KIF6: variants seen among roughly 807,000 people sequenced by gnomAD.
The protein encoded by KIF6 is kinesin family member 6.
In KIF6, 106 loss-of-function variants were observed where a neutral mutation model predicts 112.7. That is an observed-to-expected ratio of 0.94 (90% CI 0.80 to 1.11). The LOEUF is 1.11. Ranked by LOEUF, KIF6 falls within the 50% of genes least tolerant of loss-of-function variation. The probability of loss-of-function intolerance (pLI) is 0.00; values close to 1 mark genes in which losing one functional copy is unlikely to be tolerated. For missense variants in KIF6, 929 were observed against 964.0 expected, an observed-to-expected ratio of 0.96 and a Z score of 0.48; for synonymous variants, 339 against 339.9, an observed-to-expected ratio of 1.00 and a Z score of 0.03.
At chr6:39,337,048 TTTTCTTTCTTTC>T (rs140198007) in intron 22 of KIF6, among the ~76,000 whole-genome samples, 5 of 128,254 alleles carry the variant, frequency 3.9e-5, no homozygotes, top group South Asian at 2.8e-4. Flanking sequence ...CTTCCTTCCT[TTTTCTTTCTTTC>T]TTTCTTTCTC....
chr6:39,575,395 C>CGAGTAGCT (rs1419109416), intron 10 of KIF6, among the ~76,000 whole-genome samples: 1 of 152,010 alleles, frequency 6.6e-6, no homozygotes, highest in African/African-American at 2.4e-5. Flanking sequence ...CTCAGCCTCC[C>CGAGTAGCT]GAGTAGCTGG....
chr6:39,668,491 C>A (rs1199761423), intron 3 of KIF6, among the ~76,000 whole-genome samples: 3 of 144,108 alleles, frequency 2.1e-5, no homozygotes, highest in Non-Finnish European at 4.8e-5. Flanking sequence ...CTGAACATCT[C>A]CTCACAGAAT....
At chr6:39,653,236 C>T (rs1785578586) in intron 3 of KIF6, among the ~76,000 whole-genome samples, 1 of 152,084 alleles carries the variant, frequency 6.6e-6, no homozygotes. Context: ...TCATTAATTA[C>T]ATAGCACAAT....
chr6:39,348,893 T>C (rs1763996451), intron 19 of KIF6, among the ~76,000 whole-genome samples: 1 of 152,224 alleles, frequency 6.6e-6, no homozygotes, highest in South Asian at 2.1e-4. Flanking sequence ...CCTCGCTCTC[T>C]CACCCTGGCG....
At chr6:39,371,489 G>T (rs1393013844) in intron 16 of KIF6, among the ~76,000 whole-genome samples, 2 of 152,152 alleles carry the variant, frequency 1.3e-5, no homozygotes, top group Admixed American at 1.3e-4. Flanking sequence ...CTGGACACAT[G>T]GCTTGACTGA....
intron 13 of KIF6, among the ~76,000 whole-genome samples, chr6:39,518,166 G>A (rs1393122663): frequency 1.3e-5 from 2 of 152,188 alleles, no homozygotes; most frequent in African/African-American, 2.4e-5. Context: ...ATTTAATATA[G>A]TACAGACTAA....
intron 3 of KIF6, among the ~76,000 whole-genome samples, chr6:39,661,779 A>G (rs1302848898): frequency 3.3e-5 from 5 of 152,178 alleles, no homozygotes; most frequent in African/African-American, 1.2e-4. Context: ...ACACAGAACA[A>G]AAGGGTCACT....
At chr6:39,636,554 T>C (rs1021282314) in intron 4 of KIF6, among the ~76,000 whole-genome samples, 2 of 152,030 alleles carry the variant, frequency 1.3e-5, no homozygotes, top group Non-Finnish European at 1.5e-5. Context: ...TGTCAGAGAC[T>C]ATAAACACTA....
chr6:39,555,469 T>A (rs555461835), intron 10 of KIF6, among the ~76,000 whole-genome samples: 19 of 151,930 alleles, frequency 1.3e-4, no homozygotes, highest in African/African-American at 3.4e-4. Context: ...CTCAGCCCCG[T>A]GTACTTGTAG....
chr6:39,388,203 G>C (rs1157312923), intron 15 of KIF6, among the ~76,000 whole-genome samples: 1 of 152,100 alleles, frequency 6.6e-6, no homozygotes, highest in African/African-American at 2.4e-5. Context: ...ACCAGAGTAG[G>C]TGTGCTCAAC....
chr6:39,401,112 A>T (rs569380233), intron 15 of KIF6, among the ~76,000 whole-genome samples: 1 of 152,368 alleles, frequency 6.6e-6, no homozygotes, highest in East Asian at 1.9e-4. Context: ...AGAAGAGATA[A>T]GTATCTGAAT....
intron 13 of KIF6, among the ~76,000 whole-genome samples, chr6:39,518,646 AT>A (rs1777205618): frequency 6.6e-6 from 1 of 152,220 alleles, no homozygotes; most frequent in African/African-American, 2.4e-5. Flanking sequence ...TCATGTATAT[AT>A]TCAAAATCCA....
chr6:39,491,872 A>G (rs1016801425), intron 13 of KIF6, among the ~76,000 whole-genome samples: 1 of 152,132 alleles, frequency 6.6e-6, no homozygotes, highest in African/African-American at 2.4e-5. Flanking sequence ...AGCTAGGGAG[A>G]CTTCTGGAAA....
At chr6:39,679,626 T>G (rs1417844535) in intron 3 of KIF6, among the ~76,000 whole-genome samples, 1 of 148,458 alleles carries the variant, frequency 6.7e-6, no homozygotes, top group East Asian at 2.0e-4. Context: ...TTTTTTTTTT[T>G]TTTTTTTGAG....
At chr6:39,499,785 C>A (rs955480518) in intron 13 of KIF6, among the ~76,000 whole-genome samples, 11 of 152,198 alleles carry the variant, frequency 7.2e-5, no homozygotes, top group African/African-American at 2.7e-4. Context: ...CCCTCATATA[C>A]CTTCAAGGTA....
chr6:39,604,651 A>G (rs1782784109), intron 6 of KIF6, among the ~76,000 whole-genome samples: 1 of 152,170 alleles, frequency 6.6e-6, no homozygotes, highest in Non-Finnish European at 1.5e-5. Context: ...TTTGTAAAAG[A>G]GAAATAGACT....
Position 39,343,044 on chromosome 6 carries a change from GC to G in KIF6, c.2428+664del. Reference sequence around the variant, plus strand: ...ACAAAATGCAGGCCTGGGGTAAGGGGCCCTGGGGCTTGCCCTGTGGGTGTGT... The same window carrying G: ...ACAAAATGCAGGCCTGGGGTAAGGGGCCTGGGGCTTGCCCTGTGGGTGTGT... On this transcript the variant is annotated intron_variant, in intron 22 of 22. Transcript: ENST00000287152. The surrounding 1 kb of genome is among the most constrained non-coding windows in gnomAD (Gnocchi z 4.1). The G allele has an allele frequency of 1.0e-6, 1 of 985,442 alleles. No individual in the cohort carries two copies. The highest frequency in any genetic ancestry group is 1.2e-6 in the Non-Finnish European group (1 of 829,940). The allele number at this position is 985,442 out of a possible 1,614,324, so 61.0% of individuals were successfully genotyped here. A position where few individuals can be genotyped will look rare whatever the true frequency, so the allele number is the denominator to read the frequency against.
In KIF6 at chr6:39,466,131, C is replaced by A. The variant is rs76676451; in HGVS notation, c.1646-34970G>T. Among the ~76,000 whole-genome samples the A allele has an allele frequency of 7.2e-5, 11 of 152,250 alleles. 1 individual carries two copies. The highest frequency in any genetic ancestry group is 2.0e-4 in the Admixed American group (3 of 15,284). ...CTCCAGGAGTTAACACAGGGTCTCA[C>A]GTGTGTAGTGTTCAATCAGGTTTGC... On this transcript the variant is annotated intron_variant, in intron 13 of 22. Coordinates refer to ENST00000287152, the MANE Select transcript of KIF6 (RefSeq NM_145027.6).
At chr6:39,466,176 G>A (rs896372606) in intron 13 of KIF6, among the ~76,000 whole-genome samples, 6 of 152,202 alleles carry the variant, frequency 3.9e-5, no homozygotes, top group Non-Finnish European at 7.3e-5. Context: ...AAATACGGCT[G>A]TGTAAAAAGT....
Sources: allele counts gnomAD v4.1 joint callset (sites outside exome capture counted in the v4.1 genomes callset), GRCh38; gene constraint gnomAD v4.1.1; non-coding constraint Gnocchi (gnomAD v3.1); transcripts MANE v1.5; gene names NCBI Gene and HGNC (gene_info 2026-07-23, HGNC 2026-07-21).